CACNB2: variants seen among roughly 807,000 people sequenced by gnomAD.
CACNB2 encodes the protein voltage-dependent L-type calcium channel subunit beta-2.
In CACNB2, 42 loss-of-function variants were observed where a neutral mutation model predicts 73.3. The ratio of observed to expected loss-of-function variants is 0.57; its 90% CI spans 0.45 to 0.74. The LOEUF is 0.74. CACNB2 is among the 30% of genes least tolerant of loss of function. The pLI, the probability that CACNB2 is intolerant of heterozygous loss-of-function variation, is 0.00. For synonymous variants in CACNB2, 348 were observed against 310.3 expected (o/e 1.12, Z -1.28); for missense variants, 940 against 853.0 (o/e 1.10, Z -1.27).
At chr10:18,514,897 T>C (rs2051124300) in intron 7 of CACNB2, 7 of 896,528 alleles carry the variant, frequency 7.8e-6, no homozygotes, top group Admixed American at 3.7e-5. Flanking sequence ...TTCTGACTTA[T>C]GATATCCAGA....
intron 2 of CACNB2, among the ~76,000 whole-genome samples, chr10:18,284,427 T>A (rs1282004207): frequency 6.6e-6 from 1 of 152,238 alleles, no homozygotes; most frequent in Non-Finnish European, 1.5e-5. Context: ...TGATCTGTTT[T>A]CAATTTTTAT....
At chr10:18,467,971 G>GT (rs1003234311) in intron 3 of CACNB2, among the ~76,000 whole-genome samples, 9 of 152,196 alleles carry the variant, frequency 5.9e-5, no homozygotes, top group Non-Finnish European at 1.3e-4. Context: ...CCCAAAAAGT[G>GT]TTTTTTTGTG....
intron 2 of CACNB2, among the ~76,000 whole-genome samples, chr10:18,176,247 T>A (rs908296665): frequency 6.6e-6 from 1 of 152,106 alleles, no homozygotes; most frequent in Non-Finnish European, 1.5e-5. Flanking sequence ...AACCCACCAA[T>A]ATAAAATAGA....
intron 3 of CACNB2, among the ~76,000 whole-genome samples, chr10:18,469,203 G>GT (rs2048053119): frequency 1.3e-5 from 2 of 152,080 alleles, no homozygotes; most frequent in Admixed American, 1.3e-4. Context: ...GTGCACCACT[G>GT]CACTCCAGCC....
chr10:18,163,503 CT>C (rs2032623960), intron 2 of CACNB2, among the ~76,000 whole-genome samples: 1 of 152,112 alleles, frequency 6.6e-6, no homozygotes, highest in South Asian at 2.1e-4. Flanking sequence ...GTCTTCGCCC[CT>C]GAGCCAGGAC....
chr10:18,150,858 T>TTTTTTTTTTTTTTTTTTTTTC, intron 1 of CACNB2, 25 bp from the exon 2 acceptor site: 1 of 607,716 alleles, frequency 1.6e-6, no homozygotes, highest in Non-Finnish European at 2.4e-6. Context: ...TATTTGTCTT[T>TTTTTTTTTTTTTTTTTTTTTC]TTTTTTTTTT....
At chr10:18,386,685 C>T (rs147916538) in intron 2 of CACNB2, among the ~76,000 whole-genome samples, 6 of 152,220 alleles carry the variant, frequency 3.9e-5, no homozygotes, top group East Asian at 3.9e-4. Flanking sequence ...GGATTACAGG[C>T]GTGAGCCACT....
chr10:18,267,132 T>C (rs2037844899), intron 2 of CACNB2, among the ~76,000 whole-genome samples: 1 of 152,178 alleles, frequency 6.6e-6, no homozygotes, highest in Admixed American at 6.5e-5. Flanking sequence ...CCTCTGTATC[T>C]TTGAATGTCA....
At chr10:18,385,235 A>G (rs1261153518) in intron 2 of CACNB2, among the ~76,000 whole-genome samples, 1 of 151,682 alleles carries the variant, frequency 6.6e-6, no homozygotes, top group Admixed American at 6.6e-5. Context: ...GTGAGCCGAG[A>G]TTATGCCACT....
At chr10:18,175,297 C>T (rs1424873283) in intron 2 of CACNB2, among the ~76,000 whole-genome samples, 2 of 152,160 alleles carry the variant, frequency 1.3e-5, no homozygotes, top group Admixed American at 1.3e-4. Flanking sequence ...GACTAAAGAC[C>T]TCAGAGAAGC....
At chr10:18,282,845 T>C (rs1415385348) in intron 2 of CACNB2, among the ~76,000 whole-genome samples, 1 of 152,168 alleles carries the variant, frequency 6.6e-6, no homozygotes, top group Non-Finnish European at 1.5e-5. Flanking sequence ...AAAGAGCTTC[T>C]GCACAGCAAA....
chr10:18,310,249 A>C (rs980321093), intron 2 of CACNB2, among the ~76,000 whole-genome samples: 1 of 152,158 alleles, frequency 6.6e-6, no homozygotes, highest in Non-Finnish European at 1.5e-5. Context: ...AATTAAGTCT[A>C]CTTTGATGGT....
chr10:18,201,224 A>G (rs933036804), intron 2 of CACNB2, among the ~76,000 whole-genome samples: 1 of 151,482 alleles, frequency 6.6e-6, no homozygotes, highest in Admixed American at 6.6e-5. Context: ...TTTTCAAAAC[A>G]GTAGTCCTGA....
At chr10:18,497,395 A>C (rs890354700) in intron 3 of CACNB2, among the ~76,000 whole-genome samples, 1 of 152,056 alleles carries the variant, frequency 6.6e-6, no homozygotes, top group African/African-American at 2.4e-5. Context: ...ATAAATGCTT[A>C]TCTGTAAATT....
At chr10:18,441,833 C>G (rs1278575299) in intron 3 of CACNB2, among the ~76,000 whole-genome samples, 2 of 152,102 alleles carry the variant, frequency 1.3e-5, no homozygotes, top group Non-Finnish European at 2.9e-5. Flanking sequence ...CTTGGCCAGG[C>G]CAGTCTCGAA....
intron 2 of CACNB2, among the ~76,000 whole-genome samples, chr10:18,245,891 C>T (rs2036840990): frequency 6.6e-6 from 1 of 152,092 alleles, no homozygotes; most frequent in African/African-American, 2.4e-5. Flanking sequence ...GTGCATAGTG[C>T]TTATATTAAT....
At chr10:18,145,126 G>A (rs963824153) in intron 1 of CACNB2, among the ~76,000 whole-genome samples, 1 of 152,202 alleles carries the variant, frequency 6.6e-6, no homozygotes, top group Non-Finnish European at 1.5e-5. Context: ...GTCCCAGCTG[G>A]TCCCAGCCCA....
intron 3 of CACNB2, among the ~76,000 whole-genome samples, chr10:18,438,369 C>T (rs2046254665): frequency 6.6e-6 from 1 of 152,046 alleles, no homozygotes; most frequent in Non-Finnish European, 1.5e-5. Context: ...TAAAGCATTC[C>T]TATGCCATTT....
intron 2 of CACNB2, among the ~76,000 whole-genome samples, chr10:18,337,211 C>G (rs1168380265): frequency 6.6e-6 from 1 of 152,052 alleles, no homozygotes; most frequent in Non-Finnish European, 1.5e-5. Context: ...CTCACTGCCC[C>G]CTCGACTTCC....
Sources: allele counts gnomAD v4.1 joint callset (sites outside exome capture counted in the v4.1 genomes callset), GRCh38; gene constraint gnomAD v4.1.1; transcripts MANE v1.5; gene names NCBI Gene and HGNC (gene_info 2026-07-23, HGNC 2026-07-21).